PCLO: variants seen among roughly 807,000 people sequenced by gnomAD.
The protein encoded by PCLO is protein piccolo.
A neutral mutation model predicts 427.5 loss-of-function variants in PCLO; 82 were observed. The ratio of observed to expected loss-of-function variants is 0.19; its 90% CI spans 0.16 to 0.23. The LOEUF (loss-of-function observed/expected upper bound fraction) is 0.23. PCLO is among the 10% of genes least tolerant of loss of function. The pLI is 1.00. For missense variants in PCLO, 6,239 were observed against 6,115.9 expected, an observed-to-expected ratio of 1.02 and a Z score of -0.67; for synonymous variants, 2,357 against 2,155.4, an observed-to-expected ratio of 1.09 and a Z score of -2.59.
Position 82,996,090 on chromosome 7 carries a change from C to T in PCLO, c.3301-29603G>A, listed in dbSNP as rs559329069. On this transcript the variant is annotated intron_variant, in intron 3 of 24. Transcript: ENST00000333891. ...ATATTGTTTTAGAAAATATGCATGT[C>T]ATTAAAATTGTGTAAAATATTTTAA... 1.1e-3 allele frequency among the ~76,000 whole-genome samples: 166 copies of T among 151,564 alleles called. 1 individual carries two copies. Among genetic ancestry groups the T allele is most frequent in the African/African-American group, 3.8e-3 (156 of 41,386 alleles).
At chr7:82,834,525 C>T (rs1205969281) in intron 16 of PCLO, among the ~76,000 whole-genome samples, 1 of 152,062 alleles carries the variant, frequency 6.6e-6, no homozygotes, top group Non-Finnish European at 1.5e-5. Context: ...ACAGTTCATT[C>T]GTAGTAAATA....
In PCLO at chr7:83,131,189, T is replaced by C. The variant is rs1045837362; in HGVS notation, c.3300+3061A>G. Among the ~76,000 whole-genome samples, 13 of 152,300 alleles carry C rather than the reference T, an allele frequency of 8.5e-5. No homozygotes were observed. The South Asian group carries it at 1.5e-3, about 17-fold the overall frequency. ...AAGGTATTTTCTGACTTGGCAGAAA[T>C]TAAAGCCTAAAAGAATTGTCTCTTG... is the stretch of plus-strand genomic sequence containing the variant. On this transcript the variant is annotated intron_variant, in intron 3 of 24. Coordinates refer to ENST00000333891, the MANE Select transcript of PCLO (RefSeq NM_033026.6).
intron 3 of PCLO, among the ~76,000 whole-genome samples, chr7:83,110,222 C>A (rs1207897347): frequency 6.6e-6 from 1 of 151,726 alleles, no homozygotes; most frequent in Admixed American, 6.6e-5. Flanking sequence ...AATAAGCATG[C>A]AGCTTTCATC....
chr7:82,992,291 C>T (rs1796395910), intron 3 of PCLO, among the ~76,000 whole-genome samples: 1 of 152,024 alleles, frequency 6.6e-6, no homozygotes, highest in South Asian at 2.1e-4. Context: ...ATCATAAAGA[C>T]TCATCTCTGG....
intron 3 of PCLO, among the ~76,000 whole-genome samples, chr7:83,014,713 A>G (rs1708109714): frequency 6.6e-6 from 1 of 152,110 alleles, no homozygotes; most frequent in Non-Finnish European, 1.5e-5. Context: ...GCAAGGCTGC[A>G]CCATTTGAGG....
chr7:82,914,986 A>C lies in PCLO; in HGVS notation c.13000T>G (p.Ser4334Ala), dbSNP rs370857469. The C allele has an allele frequency of 3.7e-6, 6 of 1,613,598 alleles. No individual in the cohort carries two copies. The African/African-American group carries it at 8.0e-5, about 22-fold the overall frequency. ...AAACTGGTCGGCTTAGTTCTGGCAG[A>C]GGATGATGCATGACTAAAGGAAACA... ...LDVSFSHASS[S>A]ARTKPTSLPI... Residue 4334 changes from serine (S) to alanine (A), a missense_variant, in exon 7 of 25, where the codon TCT becomes GCT. This residue lies in a region of PCLO where 680 missense variants were observed against 677.3 expected (regional missense o/e 1.00). Transcript: ENST00000333891.
intron 10 of PCLO, among the ~76,000 whole-genome samples, chr7:82,854,360 A>G (rs1258099778): frequency 6.6e-6 from 1 of 152,158 alleles, no homozygotes; most frequent in Middle Eastern, 3.2e-3. Flanking sequence ...CCACTAACCC[A>G]AAGTTGATTT....
intron 20 of PCLO, chr7:82,821,649 T>C: frequency 1.0e-6 from 1 of 968,668 alleles, no homozygotes; most frequent in South Asian, 4.8e-5. Context: ...GCAGTTAAGA[T>C]AGGTCAATTG....
At chr7:82,920,950 A>C (rs779479072) in intron 6 of PCLO, among the ~76,000 whole-genome samples, 10 of 151,832 alleles carry the variant, frequency 6.6e-5, no homozygotes, top group Non-Finnish European at 1.5e-4. Flanking sequence ...TATTATATAT[A>C]ATAAATATGA....
chr7:83,110,802 T>G (rs1790984880), intron 3 of PCLO, among the ~76,000 whole-genome samples: 1 of 152,166 alleles, frequency 6.6e-6, no homozygotes, highest in African/African-American at 2.4e-5. Flanking sequence ...ACACATGCAG[T>G]CAGTTGCTAA....
intron 3 of PCLO, among the ~76,000 whole-genome samples, chr7:83,044,375 A>G (rs1365339717): frequency 6.6e-6 from 1 of 152,228 alleles, no homozygotes; most frequent in African/African-American, 2.4e-5. Context: ...TAACACAATT[A>G]TTTCAATTTG....
At chr7:82,913,004 C>A (rs953722535) in intron 7 of PCLO, among the ~76,000 whole-genome samples, 2 of 152,006 alleles carry the variant, frequency 1.3e-5, no homozygotes, top group African/African-American at 4.8e-5. Flanking sequence ...TTGTCATTTT[C>A]TATCTATAAA....
intron 6 of PCLO, among the ~76,000 whole-genome samples, chr7:82,928,650 C>T (rs767227056): frequency 3.3e-5 from 5 of 152,124 alleles, no homozygotes; most frequent in Non-Finnish European, 4.4e-5. Context: ...GCTGGGATTG[C>T]AGGCATGAGC....
chr7:83,007,093 T>G (rs41583), intron 3 of PCLO, among the ~76,000 whole-genome samples: 37,932 of 151,406 alleles, frequency 0.25, 5,704 homozygotes, highest in Middle Eastern at 0.45. Context: ...GACCATTGCC[T>G]GTAAATTAGT....
intron 3 of PCLO, among the ~76,000 whole-genome samples, chr7:82,979,827 A>G (rs576017202): frequency 6.6e-6 from 1 of 152,346 alleles, no homozygotes; most frequent in East Asian, 1.9e-4. Context: ...ACTGTGTGTT[A>G]GGCAGCAAAT....
intron 3 of PCLO, among the ~76,000 whole-genome samples, chr7:83,133,658 G>A (rs1584067961): frequency 7.3e-6 from 1 of 137,218 alleles, no homozygotes; most frequent in East Asian, 3.5e-4. Context: ...ATTTCAAACA[G>A]AATTATAAAA....
intron 3 of PCLO, among the ~76,000 whole-genome samples, chr7:82,993,239 T>G (rs1046936985): frequency 8.6e-5 from 13 of 152,004 alleles, no homozygotes; most frequent in African/African-American, 3.1e-4. Context: ...AAAACAAAAT[T>G]TATATAGAGA....
intron 3 of PCLO, among the ~76,000 whole-genome samples, chr7:83,102,755 G>A (rs1260913977): frequency 6.6e-6 from 1 of 151,128 alleles, no homozygotes; most frequent in Non-Finnish European, 1.5e-5. Context: ...TTTATATCTA[G>A]CTAAAATATT....
intron 22 of PCLO, among the ~76,000 whole-genome samples, chr7:82,776,749 C>T (rs149042328): frequency 0.024 from 3,611 of 152,096 alleles, 152 homozygotes; most frequent in African/African-American, 0.083. Flanking sequence ...GAGCCAAGAT[C>T]GTGCCACTGT....
Sources: allele counts gnomAD v4.1 joint callset (sites outside exome capture counted in the v4.1 genomes callset), GRCh38; gene constraint gnomAD v4.1.1; regional missense constraint gnomAD v4.1.1; transcripts MANE v1.5; gene names NCBI Gene and HGNC (gene_info 2026-07-23, HGNC 2026-07-21).